The following GCN1 variants were observed in gnomAD, a reference collection of about 807,000 sequenced individuals.
GCN1 encodes the protein stalled ribosome sensor GCN1.
Under a neutral mutation model 288.4 loss-of-function variants are expected in GCN1, and 90 were observed. That is an observed-to-expected ratio of 0.31 (90% CI 0.26 to 0.37). GCN1 has a LOEUF of 0.37. Ranked by LOEUF, GCN1 falls within the 10% of genes least tolerant of loss-of-function variation. The pLI is 1.00. For synonymous variants in GCN1, 1,386 were observed against 1,420.2 expected (o/e 0.98, Z 0.54); for missense variants, 2,586 against 3,419.9 (o/e 0.76, Z 6.08).
chr12:120,156,596 A>G lies in GCN1; in HGVS notation c.3177T>C (p.Ala1059=). 6.2e-7 allele frequency: 1 copy of G among 1,614,024 alleles called. No individual in the cohort carries two copies. Among genetic ancestry groups the G allele is most frequent in the Non-Finnish European group, 8.5e-7 (1 of 1,179,966 alleles). ...GTGSPRLQVL[A]SDTLTTLCAS... ...CACACAGGGTGGTCAGGGTGTCTGAAGCCAGAACCTAAGGAGAACATCAAT... is the reference window on the plus strand; with the variant it reads ...CACACAGGGTGGTCAGGGTGTCTGAGGCCAGAACCTAAGGAGAACATCAAT... Residue 1059 remains alanine, a synonymous_variant, in exon 28 of 58, where the codon GCT becomes GCC. Coordinates refer to ENST00000300648, the MANE Select transcript of GCN1 (RefSeq NM_006836.2). This position sits in a 1 kb window ranked among gnomAD's most constrained non-coding sequence, Gnocchi z 5.8.
intron 56 of GCN1, among the ~76,000 whole-genome samples, chr12:120,129,897 T>C (rs1232134062): frequency 6.6e-6 from 1 of 152,188 alleles, no homozygotes; most frequent in Non-Finnish European, 1.5e-5. Flanking sequence ...GCTCCAGGGA[T>C]CCTGTCTGCC....
chr12:120,130,674 G>A lies in GCN1; in HGVS notation c.7643C>T (p.Pro2548Leu), dbSNP rs373248631. 9.9e-6 allele frequency: 16 copies of A among 1,613,652 alleles called. 1 individual carries two copies. Among genetic ancestry groups the A allele is most frequent in the South Asian group, 3.3e-5 (3 of 91,072 alleles). Reference protein sequence around the residue: ...HHIETGGGQLPAKLSSLFVKC... With the variant: ...HHIETGGGQLLAKLSSLFVKC... Reference sequence around the variant, plus strand: ...AACGAACAGGCTGGAAAGTTTGGCCGGCAACTGCCCTCCGCCTGTCTCGAT... The same window carrying A: ...AACGAACAGGCTGGAAAGTTTGGCCAGCAACTGCCCTCCGCCTGTCTCGAT... Residue 2548 changes from proline (P) to leucine (L), a missense_variant, in exon 56 of 58, where the codon CCG becomes CTG. Transcript: ENST00000300648.
intron 2 of GCN1, among the ~76,000 whole-genome samples, chr12:120,186,770 G>A (rs774320004): frequency 5.9e-5 from 9 of 152,280 alleles, no homozygotes; most frequent in Admixed American, 2.0e-4. Context: ...CAGACAATGC[G>A]TTACATTTAC....
chr12:120,154,938 T>G (rs775080083), intron 31 of GCN1, 32 bp downstream of exon 31: 6 of 1,578,968 alleles, frequency 3.8e-6, no homozygotes, highest in Non-Finnish European at 1.7e-6. Context: ...TCACAAAGCT[T>G]GGAGTAGAAC....
rs1228597752 is a variant in GCN1, at chr12:120,173,774, G to T, written c.1245C>A (p.Asn415Lys). The change falls in exon 14 of 58, where the codon AAC becomes AAA. Residue 415 changes from asparagine to lysine, a missense_variant. Transcript: ENST00000300648. ...HAVSVLALWC[N>K]RFTMEVPKKL... ...TCTTGGGCACTTCCATAGTGAATCG[G>T]TTACACCAGAGAGCCAGGACTGAGA... 2.5e-6 allele frequency: 4 copies of T among 1,613,720 alleles called. No individual in the cohort carries two copies. Among genetic ancestry groups the T allele is most frequent in the Middle Eastern group, 1.6e-4 (1 of 6,084 alleles).
chr12:120,127,998 G>C, intron 57 of GCN1, 24 bp from the exon 58 acceptor site: 2 of 1,613,306 alleles, frequency 1.2e-6, no homozygotes, highest in Non-Finnish European at 1.7e-6. Context: ...TGAGCAGGAG[G>C]AAACATAGTC....
At position 120,178,737 on chromosome 12, in the gene GCN1, T is replaced by A; in HGVS notation, c.548A>T (p.Tyr183Phe). 6.2e-7 allele frequency: 1 copy of A among 1,614,198 alleles called. No individual in the cohort carries two copies. The highest frequency in any genetic ancestry group is 8.5e-7 in the Non-Finnish European group (1 of 1,180,006). Reference protein sequence around the residue: ...WKENPGLVEQYLSAILSLEPN... With the variant: ...WKENPGLVEQFLSAILSLEPN... ...CTCTAGGCTGAGAATGGCTGACAAG[T>A]ACTGTTCCACCAGCCCGGGGTTCTG... is the stretch of plus-strand genomic sequence containing the variant. Residue 183 changes from tyrosine (Y) to phenylalanine (F), a missense_variant, in exon 7 of 58, where the codon TAC becomes TTC. Around this residue, in one of 8 missense-constraint regions of GCN1, gnomAD observed 913 missense variants for 1,107.0 expected, o/e 0.82. Coordinates refer to ENST00000300648, the MANE Select transcript of GCN1 (RefSeq NM_006836.2).
At position 120,161,420 on chromosome 12, in the gene GCN1, T is replaced by C. The variant is rs1209005682; in HGVS notation, c.2436+70A>G. ...TTCCAAGTGAACAGCATATGTGCAG[T>C]GGGAAAAGCCACCAGCTTGAGGCCA... On this transcript the variant is annotated intron_variant, in intron 22 of 57. Transcript: ENST00000300648. 11 of 954,578 alleles carry C rather than the reference T, an allele frequency of 1.2e-5. No homozygotes were observed. In the East Asian group the frequency reaches 2.4e-4, roughly 21 times the overall value. The allele number at this position is 954,578 out of a possible 1,614,324, so 59.1% of individuals were successfully genotyped here.
rs755805952 is a variant in GCN1, at chr12:120,137,510, G to C, written c.6663+35C>G. On this transcript the variant is annotated intron_variant, in intron 49 of 57. Transcript: ENST00000300648. The surrounding 1 kb of genome is among the most constrained non-coding windows in gnomAD (Gnocchi z 5.2). ...TGTAAATGTCTGGAATTTTCTAAAA[G>C]CAAAAGTTGGCTGTGGGGTCAGCAG... The C allele has an allele frequency of 1.2e-6, 2 of 1,602,884 alleles. No homozygotes were observed. Among genetic ancestry groups the C allele is most frequent in the South Asian group, 2.2e-5 (2 of 90,730 alleles).
intron 14 of GCN1, among the ~76,000 whole-genome samples, chr12:120,172,351 A>G (rs532973185): frequency 6.6e-6 from 1 of 152,350 alleles, no homozygotes; most frequent in African/African-American, 2.4e-5. Context: ...CATATTTCAG[A>G]AAAAGATATA....
chr12:120,189,627 A>G (rs904368992), intron 2 of GCN1, among the ~76,000 whole-genome samples: 2 of 149,072 alleles, frequency 1.3e-5, no homozygotes, highest in Non-Finnish European at 3.0e-5. Flanking sequence ...TCAGCCTCCC[A>G]AAGTGCTGGG....
At chr12:120,159,156 G>C (rs1406336840) in intron 24 of GCN1, among the ~76,000 whole-genome samples, 1 of 152,194 alleles carries the variant, frequency 6.6e-6, no homozygotes. Context: ...CAGGAGACAA[G>C]GGCCACCAAA....
chr12:120,137,764 C>T lies in GCN1; in HGVS notation c.6444G>A (p.Gly2148=), dbSNP rs1356489530. The change falls in exon 49 of 58, where the codon GGG becomes GGA. Residue 2148 remains glycine (G), a synonymous_variant. Transcript: ENST00000300648. This position sits in a 1 kb window ranked among gnomAD's most constrained non-coding sequence, Gnocchi z 5.2. ...AVILSVEDDT[G]HRIIIEDLLE... ...GCAGATCCTCGATGATGATCCGGTG[C>T]CCTGTGTCATCCTCTACGGAGAGGA... 1.2e-6 allele frequency: 2 copies of T among 1,613,924 alleles called. No homozygotes were observed. Among genetic ancestry groups the T allele is most frequent in the African/African-American group, 2.7e-5 (2 of 74,898 alleles).
chr12:120,165,026 C>T (rs1426199378), intron 16 of GCN1, among the ~76,000 whole-genome samples: 6 of 145,392 alleles, frequency 4.1e-5, no homozygotes, highest in African/African-American at 7.9e-5. Context: ...CACACACACA[C>T]ACACACACAC....
At chr12:120,152,412 A>ACAC (rs1566305185) in intron 33 of GCN1, among the ~76,000 whole-genome samples, 11 of 106,140 alleles carry the variant, frequency 1.0e-4, no homozygotes, top group Non-Finnish European at 1.8e-4. Flanking sequence ...CACACACACA[A>ACAC]AATATATATA....
chr12:120,170,464 T>G, intron 14 of GCN1, 143 bp from the exon 15 acceptor site: 1 of 723,890 alleles, frequency 1.4e-6, no homozygotes, highest in South Asian at 1.9e-5. Flanking sequence ...AGAAGTGAAG[T>G]GAAATCAAAA....
chr12:120,145,345 G>A lies in GCN1; in HGVS notation c.4948-15C>T. 4 of 1,558,246 alleles carry A rather than the reference G, an allele frequency of 2.6e-6. No homozygotes were observed. Among genetic ancestry groups the A allele is most frequent in the Non-Finnish European group, 3.5e-6 (4 of 1,153,200 alleles). On this transcript the variant is annotated splice_polypyrimidine_tract_variant and intron_variant, in intron 38 of 57. Coordinates refer to ENST00000300648, the MANE Select transcript of GCN1 (RefSeq NM_006836.2). ...GGAGCCAAGTCCTGCAACAACACAG[G>A]AGGCGGCTCAGGTGAGGCCCGACTC...
intron 31 of GCN1, 66 bp downstream of exon 31, chr12:120,154,904 C>T (rs1877689288): frequency 2.1e-6 from 3 of 1,430,732 alleles, no homozygotes; most frequent in African/African-American, 1.4e-5. Context: ...CCTCACAGCA[C>T]CCACCCAGCC....
At position 120,149,912 on chromosome 12, in the gene GCN1, G is replaced by A. The variant is rs771788739; in HGVS notation, c.4431+10C>T. The stretch of plus-strand genomic sequence containing the variant: ...TCCATGCTGTTCTCCCGAGCAGTCC[G>A]GGGACTTACCTCACGCACATACTGG... On this transcript the variant is annotated intron_variant, in intron 35 of 57. Transcript: ENST00000300648. 39 of 1,613,800 alleles carry A rather than the reference G, an allele frequency of 2.4e-5. No homozygotes were observed. The highest frequency in any genetic ancestry group is 6.7e-5 in the Admixed American group (4 of 59,996).
Sources: gnomAD v4.1 joint callset for allele counts (sites outside exome capture counted in the v4.1 genomes callset) on GRCh38, gnomAD v4.1.1 for gene constraint, gnomAD v4.1.1 regional missense constraint, Gnocchi (gnomAD v3.1) non-coding constraint, MANE v1.5 for transcripts, NCBI Gene and HGNC (gene_info 2026-07-23, HGNC 2026-07-21) for gene names.